UNC5B: variants seen among roughly 807,000 people sequenced by gnomAD.
UNC5B encodes netrin receptor UNC5B.
A neutral mutation model predicts 103.7 loss-of-function variants in UNC5B; 56 were observed. The ratio of observed to expected loss-of-function variants is 0.54; its 90% CI spans 0.44 to 0.67. The LOEUF (loss-of-function observed/expected upper bound fraction) is 0.67, where lower values mean the gene tolerates loss of function less well. UNC5B is among the 30% of genes least tolerant of loss of function. The pLI, the probability that UNC5B is intolerant of heterozygous loss-of-function variation, is 0.00. For synonymous variants in UNC5B, 577 were observed against 542.0 expected (o/e 1.06, Z -0.90); for missense variants, 1,194 against 1,284.5 (o/e 0.93, Z 1.08).
Position 71,212,916 on chromosome 10 carries a change from A to G in UNC5B, c.-70A>G, listed in dbSNP as rs998660697. The stretch of plus-strand genomic sequence containing the variant: ...CGAGGAGGAGGCGGCGGCGGCGGAG[A>G]CGGCGGCGGCGAGACTGGGGCCAGG... On this transcript the variant is annotated 5_prime_UTR_variant, in exon 1 of 17. Coordinates refer to ENST00000335350, the MANE Select transcript of UNC5B (RefSeq NM_170744.5). 7 of 1,185,810 alleles carry G rather than the reference A, an allele frequency of 5.9e-6. No homozygotes were observed. The highest frequency in any genetic ancestry group is 3.2e-5 in the East Asian group (1 of 31,536). 73.5% of individuals were successfully genotyped at this position (1,185,810 alleles called of 1,614,324 possible).
chr10:71,240,260 T>C (rs1843868807), intron 1 of UNC5B, among the ~76,000 whole-genome samples: 1 of 152,258 alleles, frequency 6.6e-6, no homozygotes, highest in Non-Finnish European at 1.5e-5. Flanking sequence ...CAGCTGTTGG[T>C]GTCCGGCCCA....
chr10:71,243,100 T>C (rs538812834), intron 1 of UNC5B, among the ~76,000 whole-genome samples: 1 of 152,252 alleles, frequency 6.6e-6, no homozygotes, highest in Non-Finnish European at 1.5e-5. Context: ...CCGGGCATGG[T>C]GGCACGCGCC....
intron 1 of UNC5B, among the ~76,000 whole-genome samples, chr10:71,219,881 C>T (rs1226513315): frequency 6.6e-6 from 1 of 152,186 alleles, no homozygotes; most frequent in African/African-American, 2.4e-5. Context: ...GTGATGAGTG[C>T]CAGACCTTGA....
chr10:71,244,152 T>G (rs1193117694), intron 1 of UNC5B, among the ~76,000 whole-genome samples: 1 of 152,256 alleles, frequency 6.6e-6, no homozygotes, highest in Admixed American at 6.5e-5. Flanking sequence ...GTTCCTGCCC[T>G]CTTAGTCTCC....
chr10:71,271,890 C>T (rs943750047), intron 1 of UNC5B, among the ~76,000 whole-genome samples: 6 of 152,152 alleles, frequency 3.9e-5, no homozygotes, highest in African/African-American at 1.4e-4. Context: ...GCGTGAGGAG[C>T]CACCTTTGTT....
At chr10:71,215,477 C>T (rs1411521884) in intron 1 of UNC5B, among the ~76,000 whole-genome samples, 2 of 151,964 alleles carry the variant, frequency 1.3e-5, no homozygotes, top group East Asian at 1.9e-4. Flanking sequence ...CCCACCCCAT[C>T]CCTGGTGAAT....
At chr10:71,227,586 TAA>T (rs1378243046) in intron 1 of UNC5B, among the ~76,000 whole-genome samples, 1 of 146,420 alleles carries the variant, frequency 6.8e-6, no homozygotes, top group Non-Finnish European at 1.5e-5. Context: ...AAAATAAAAA[TAA>T]ATTTTGTATA....
At chr10:71,297,704 C>A (rs537021115) in intron 15 of UNC5B, among the ~76,000 whole-genome samples, 9 of 152,364 alleles carry the variant, frequency 5.9e-5, no homozygotes, top group Admixed American at 2.6e-4. Flanking sequence ...ATGGTGCACC[C>A]CCTGAGGCCT....
At chr10:71,223,699 G>C (rs1843495011) in intron 1 of UNC5B, among the ~76,000 whole-genome samples, 1 of 148,920 alleles carries the variant, frequency 6.7e-6, no homozygotes, top group East Asian at 1.9e-4. Context: ...AGGCACAGCT[G>C]GTCCAGGCGA....
At chr10:71,227,649 T>TATATATACATATATATACAC (rs1300087365) in intron 1 of UNC5B, among the ~76,000 whole-genome samples, 12 of 134,470 alleles carry the variant, frequency 8.9e-5, no homozygotes, top group Admixed American at 4.3e-4. Context: ...CACATATACA[T>TATATATACATATATATACAC]ATATATACAT....
intron 1 of UNC5B, among the ~76,000 whole-genome samples, chr10:71,269,317 TA>T (rs917710955): frequency 1.9e-4 from 28 of 146,090 alleles, no homozygotes; most frequent in Non-Finnish European, 3.0e-4. Context: ...TGTTTTCAAT[TA>T]AAAAAAAAGT....
chr10:71,280,540 A>G (rs1844897619), intron 2 of UNC5B, among the ~76,000 whole-genome samples: 1 of 152,268 alleles, frequency 6.6e-6, no homozygotes, highest in African/African-American at 2.4e-5. Context: ...AGTATTAAGT[A>G]AATAACCATC....
intron 1 of UNC5B, among the ~76,000 whole-genome samples, chr10:71,224,655 C>T (rs1843525175): frequency 6.6e-6 from 1 of 152,144 alleles, no homozygotes; most frequent in Admixed American, 6.5e-5. Context: ...TTTCATGAGC[C>T]TCCATCTCCT....
At chr10:71,224,416 C>CAT (rs1843520708) in intron 1 of UNC5B, among the ~76,000 whole-genome samples, 1 of 144,032 alleles carries the variant, frequency 6.9e-6, no homozygotes, top group African/African-American at 2.8e-5. Flanking sequence ...CACACACACA[C>CAT]GAAATGACAG....
chr10:71,224,320 C>A lies in UNC5B; in HGVS notation c.79+11256C>A, dbSNP rs557859980. ...CAGTGACCCCTGCTGCAAATTTGAT[C>A]CAGCCCCACATTTTCCTCCTGGTCC... On this transcript the variant is annotated intron_variant, in intron 1 of 16. Coordinates refer to ENST00000335350, the MANE Select transcript of UNC5B (RefSeq NM_170744.5). Among the ~76,000 whole-genome samples, 53 of 144,800 alleles carry A rather than the reference C, an allele frequency of 3.7e-4. 1 individual carries two copies. The highest frequency in any genetic ancestry group is 6.3e-4 in the Non-Finnish European group (42 of 66,534). 95.0% of individuals were successfully genotyped at this position (144,800 alleles called of 152,430 possible).
intron 13 of UNC5B, among the ~76,000 whole-genome samples, chr10:71,294,300 C>A (rs549127254): frequency 6.6e-6 from 1 of 152,176 alleles, no homozygotes; most frequent in Non-Finnish European, 1.5e-5. Context: ...GAAATGACTG[C>A]GTTTCATAAG....
At chr10:71,233,718 G>A (rs1843724384) in intron 1 of UNC5B, among the ~76,000 whole-genome samples, 2 of 152,232 alleles carry the variant, frequency 1.3e-5, no homozygotes, top group Admixed American at 1.3e-4. Context: ...TGGGGCTGGG[G>A]TGGGGCACAG....
intron 1 of UNC5B, among the ~76,000 whole-genome samples, chr10:71,271,314 G>C (rs1164292708): frequency 6.6e-6 from 1 of 152,226 alleles, no homozygotes; most frequent in Non-Finnish European, 1.5e-5. Context: ...GCGCTGTCTC[G>C]TTGGAACACA....
chr10:71,273,826 C>T (rs1255378212), intron 1 of UNC5B, among the ~76,000 whole-genome samples: 1 of 152,238 alleles, frequency 6.6e-6, no homozygotes, highest in Non-Finnish European at 1.5e-5. Context: ...TGACTCAAAA[C>T]AGACTTGCCA....
Sources: gnomAD v4.1 joint callset for allele counts (sites outside exome capture counted in the v4.1 genomes callset) on GRCh38, gnomAD v4.1.1 for gene constraint, MANE v1.5 for transcripts, NCBI Gene and HGNC (gene_info 2026-07-23, HGNC 2026-07-21) for gene names.